Variants in SDK1 observed in about 807,000 individuals in gnomAD.
SDK1 encodes sidekick cell adhesion molecule 1.
A neutral mutation model predicts 245.5 loss-of-function variants in SDK1; 157 were observed. The observed-to-expected ratio is 0.64, with a 90% CI of 0.56 to 0.73. The LOEUF is 0.73. Ranked by LOEUF, SDK1 falls within the 30% of genes least tolerant of loss-of-function variation. The pLI is 0.00. For missense variants in SDK1, 3,583 were observed against 3,002.3 expected (o/e 1.19, Z -4.52); for synonymous variants, 1,647 against 1,278.5 (o/e 1.29, Z -6.15).
chr7:4,207,993 G>A (rs945472619), intron 36 of SDK1, 106 bp from the exon 37 acceptor site: 23 of 805,244 alleles, frequency 2.9e-5, no homozygotes, highest in Non-Finnish European at 4.1e-5. Context: ...AGCACAGCTC[G>A]CCCCAGAACT....
intron 40 of SDK1, among the ~76,000 whole-genome samples, chr7:4,229,570 G>A (rs1785623698): frequency 6.6e-6 from 1 of 152,138 alleles, no homozygotes; most frequent in African/African-American, 2.4e-5. Context: ...GGTACAGGAA[G>A]GGAGAATCAT....
At chr7:3,887,852 A>C (rs2128100949) in intron 5 of SDK1, among the ~76,000 whole-genome samples, 1 of 152,286 alleles carries the variant, frequency 6.6e-6, no homozygotes, top group Non-Finnish European at 1.5e-5. Context: ...TTTAACGTTA[A>C]TTTCAATATT....
At chr7:4,019,908 C>T (rs1039457582) in intron 17 of SDK1, among the ~76,000 whole-genome samples, 4 of 152,150 alleles carry the variant, frequency 2.6e-5, no homozygotes, top group Admixed American at 6.5e-5. Context: ...CAGGTGGCCC[C>T]GTCCTCCCTT....
rs76429248 is a variant in SDK1 at position 3,462,198 on chromosome 7, C to G, written c.299-156882C>G. Among the ~76,000 whole-genome samples the G allele has an allele frequency of 3.9e-3, 591 of 152,246 alleles. 4 individuals carry two copies. Among genetic ancestry groups the G allele is most frequent in the African/African-American group, 0.014 (562 of 41,546 alleles). ...CAGGCCTAAAGGATGCTCTTCAGTT[C>G]ACATCTCACTCCTCAGCAGCATTCT... On this transcript the variant is annotated intron_variant, in intron 1 of 44. Transcript: ENST00000404826.
intron 5 of SDK1, among the ~76,000 whole-genome samples, chr7:3,827,037 A>G (rs1779792761): frequency 6.6e-6 from 1 of 152,070 alleles, no homozygotes; most frequent in Non-Finnish European, 1.5e-5. Context: ...ATCTCTTTCC[A>G]TCCCAAGGTG....
chr7:4,220,634 T>C (rs1356606675), intron 39 of SDK1, among the ~76,000 whole-genome samples: 2 of 151,886 alleles, frequency 1.3e-5, no homozygotes, highest in Non-Finnish European at 1.5e-5. Flanking sequence ...TTCCCACTTA[T>C]CCAACTGTTC....
At chr7:4,001,524 T>C (rs1056836901) in intron 14 of SDK1, among the ~76,000 whole-genome samples, 2 of 152,230 alleles carry the variant, frequency 1.3e-5, no homozygotes, top group African/African-American at 2.4e-5. Context: ...AAGCCTGTTG[T>C]GGGATCATTT....
chr7:3,774,965 C>T (rs763445865), intron 4 of SDK1, among the ~76,000 whole-genome samples: 4 of 152,248 alleles, frequency 2.6e-5, no homozygotes, highest in Admixed American at 6.5e-5. Flanking sequence ...GTGCGTCTGC[C>T]GGGGACCTGT....
chr7:4,153,221 C>G (rs1314860406), intron 30 of SDK1, among the ~76,000 whole-genome samples: 3 of 150,434 alleles, frequency 2.0e-5, no homozygotes, highest in Non-Finnish European at 4.4e-5. Flanking sequence ...GGCCCTAGCT[C>G]CTTTTGACTG....
At chr7:3,753,180 A>G (rs977192998) in intron 4 of SDK1, among the ~76,000 whole-genome samples, 4 of 152,236 alleles carry the variant, frequency 2.6e-5, no homozygotes, top group Non-Finnish European at 4.4e-5. Flanking sequence ...TGAGATTGTC[A>G]TATTTAAATT....
intron 1 of SDK1, among the ~76,000 whole-genome samples, chr7:3,553,815 G>T (rs1401811175): frequency 6.6e-6 from 1 of 152,136 alleles, no homozygotes; most frequent in Non-Finnish European, 1.5e-5. Flanking sequence ...AATCCATTCT[G>T]TGGGCCTGAA....
chr7:3,950,140 A>T (rs1224715955), intron 5 of SDK1, among the ~76,000 whole-genome samples: 1 of 152,232 alleles, frequency 6.6e-6, no homozygotes, highest in Non-Finnish European at 1.5e-5. Flanking sequence ...CAACACACAG[A>T]GCAGTAGCGT....
intron 20 of SDK1, among the ~76,000 whole-genome samples, chr7:4,074,308 T>G (rs371469844): frequency 7.9e-5 from 12 of 152,196 alleles, no homozygotes; most frequent in Non-Finnish European, 1.6e-4. Flanking sequence ...TTCTGTAGTT[T>G]GCTGACCTAA....
chr7:4,124,483 T>C (rs1784256627), intron 25 of SDK1, among the ~76,000 whole-genome samples: 1 of 152,128 alleles, frequency 6.6e-6, no homozygotes, highest in South Asian at 2.1e-4. Context: ...GTGGACAAAT[T>C]CCTTTTTTTA....
chr7:3,672,839 C>T (rs1285336582), intron 4 of SDK1, among the ~76,000 whole-genome samples: 1 of 123,334 alleles, frequency 8.1e-6, no homozygotes, highest in Admixed American at 9.3e-5. Flanking sequence ...ACACTTTTGC[C>T]AAAATAGGCA....
chr7:3,705,755 T>C (rs1784869595), intron 4 of SDK1, among the ~76,000 whole-genome samples: 1 of 152,076 alleles, frequency 6.6e-6, no homozygotes, highest in Non-Finnish European at 1.5e-5. Context: ...ATTTTTTTTT[T>C]ATCTTGCCTG....
intron 1 of SDK1, among the ~76,000 whole-genome samples, chr7:3,307,385 C>G (rs1449591447): frequency 1.3e-5 from 2 of 152,132 alleles, no homozygotes; most frequent in East Asian, 3.9e-4. Context: ...CCCTGAAATG[C>G]AAAAGTCTGT....
At chr7:4,161,037 T>C (rs930377969) in intron 31 of SDK1, among the ~76,000 whole-genome samples, 2 of 152,208 alleles carry the variant, frequency 1.3e-5, no homozygotes, top group African/African-American at 4.8e-5. Context: ...ACACTTCTGC[T>C]GGGCCCCCGG....
At chr7:3,788,057 G>C (rs545960011) in intron 4 of SDK1, among the ~76,000 whole-genome samples, 1 of 152,148 alleles carries the variant, frequency 6.6e-6, no homozygotes, top group Non-Finnish European at 1.5e-5. Flanking sequence ...CGTGTGCTCC[G>C]GGGAGTGGAC....
Sources: gnomAD v4.1 joint callset for allele counts (sites outside exome capture counted in the v4.1 genomes callset) on GRCh38, gnomAD v4.1.1 for gene constraint, MANE v1.5 for transcripts, NCBI Gene and HGNC (gene_info 2026-07-23, HGNC 2026-07-21) for gene names.